The following TRIP12 variants were observed in gnomAD, a reference collection of about 807,000 sequenced individuals.
The protein encoded by TRIP12 is thyroid hormone receptor interactor 12.
Under a neutral mutation model 244.2 loss-of-function variants are expected in TRIP12, and 25 were observed. The ratio of observed to expected loss-of-function variants is 0.10; its 90% CI spans 0.07 to 0.14. TRIP12 has a LOEUF of 0.14. Ranked by LOEUF, TRIP12 falls within the 10% of genes least tolerant of loss-of-function variation. The pLI is 1.00. For synonymous variants in TRIP12, 905 were observed against 873.1 expected, an observed-to-expected ratio of 1.04 and a Z score of -0.64; for missense variants, 1,677 against 2,486.4, an observed-to-expected ratio of 0.67 and a Z score of 6.92.
chr2:229,789,404 A>T (rs957440978), intron 31 of TRIP12, among the ~76,000 whole-genome samples: 1 of 152,208 alleles, frequency 6.6e-6, no homozygotes, highest in Non-Finnish European at 1.5e-5. Context: ...TCCTAGAGAG[A>T]ATTTTACAAA....
At chr2:229,879,015 G>A (rs2154353021) in intron 2 of TRIP12, among the ~76,000 whole-genome samples, 1 of 152,222 alleles carries the variant, frequency 6.6e-6, no homozygotes, top group South Asian at 2.1e-4. Context: ...CACTTTGGGA[G>A]GCCGAGGCGG....
intron 4 of TRIP12, among the ~76,000 whole-genome samples, chr2:229,851,728 G>A (rs1006706534): frequency 1.1e-4 from 16 of 151,876 alleles, no homozygotes; most frequent in African/African-American, 3.1e-4. Flanking sequence ...AACTCCAGAC[G>A]TGCTGCCTTA....
In TRIP12 at chr2:229,802,398, C is replaced by T; in HGVS notation, c.3060G>A (p.Lys1020=). 1 of 1,614,006 alleles carries T rather than the reference C, an allele frequency of 6.2e-7. No individual in the cohort carries two copies. Among genetic ancestry groups the T allele is most frequent in the Non-Finnish European group, 8.5e-7 (1 of 1,179,956 alleles). Residue 1020 remains lysine (K), a synonymous_variant, in exon 21 of 42, where the codon AAG becomes AAA. Transcript: ENST00000675903. The part of the protein sequence containing the change: ...ESESLLTSPP[K]ACTNGSGSMG... ...TGGATCCCGATCCATTCGTACATGC[C>T]TTTGGTGGACTTGTCAACAAAGACT...
rs535971996 is a variant in TRIP12, at chr2:229,866,242, C to G, written c.99-5711G>C. Among the ~76,000 whole-genome samples, 5 of 152,236 alleles carry G rather than the reference C, an allele frequency of 3.3e-5. No individual in the cohort carries two copies. The South Asian group carries it at 1.0e-3, about 32-fold the overall frequency. On this transcript the variant is annotated intron_variant, in intron 2 of 41. Transcript: ENST00000675903. The stretch of plus-strand genomic sequence containing the variant: ...AATTTTCCAAGAATGCAACGACAAG[C>G]GATTATACTATTTTTTTGGCAGCTT...
chr2:229,778,696 G>C lies in TRIP12; in HGVS notation c.5210-109C>G, dbSNP rs2037099373. 12 of 1,472,588 alleles carry C rather than the reference G, an allele frequency of 8.1e-6. No homozygotes were observed. Among genetic ancestry groups the C allele is most frequent in the Non-Finnish European group, 1.0e-5 (11 of 1,088,404 alleles). 91.2% of individuals were successfully genotyped at this position (1,472,588 alleles called of 1,614,324 possible). A position where few individuals can be genotyped will look rare whatever the true frequency, so the allele number is the denominator to read the frequency against. On this transcript the variant is annotated intron_variant, in intron 35 of 41. Coordinates refer to ENST00000675903, the MANE Select transcript of TRIP12 (RefSeq NM_001348323.3). This position sits in a 1 kb window ranked among gnomAD's most constrained non-coding sequence, Gnocchi z 4.1. Reference sequence around the variant, plus strand: ...TAAGCATTCTCAAAATTGGAGTGCAGATCACTGAATGAAGTCCTCTAGAAC... The same window carrying C: ...TAAGCATTCTCAAAATTGGAGTGCACATCACTGAATGAAGTCCTCTAGAAC...
intron 9 of TRIP12, 74 bp from the exon 10 acceptor site, chr2:229,815,382 T>G (rs543086782): frequency 1.2e-6 from 1 of 869,278 alleles, no homozygotes; most frequent in East Asian, 2.7e-5. Flanking sequence ...TCCTCTTCTA[T>G]TTGAACTTCA....
intron 1 of TRIP12, among the ~76,000 whole-genome samples, chr2:229,890,423 A>T (rs1342369793): frequency 6.6e-6 from 1 of 152,216 alleles, no homozygotes; most frequent in Non-Finnish European, 1.5e-5. Context: ...TCTTTAACAT[A>T]GTTCAGATTA....
At chr2:229,850,915 C>A (rs915899717) in intron 4 of TRIP12, among the ~76,000 whole-genome samples, 1 of 152,258 alleles carries the variant, frequency 6.6e-6, no homozygotes, top group Non-Finnish European at 1.5e-5. Flanking sequence ...ACCACCGGCG[C>A]TGCACTCGAT....
chr2:229,807,913 A>G (rs760166287), intron 16 of TRIP12, 49 bp from the exon 17 acceptor site: 1 of 1,543,852 alleles, frequency 6.5e-7, no homozygotes, highest in East Asian at 2.4e-5. Flanking sequence ...AAATATTAGT[A>G]AACGTTAGGT....
intron 6 of TRIP12, among the ~76,000 whole-genome samples, chr2:229,834,198 T>A (rs1259774881): frequency 6.6e-6 from 1 of 152,244 alleles, no homozygotes; most frequent in African/African-American, 2.4e-5. Context: ...GTTGTCTAAA[T>A]CAGAATGCAA....
chr2:229,920,998 C>T (rs1348794278), intron 1 of TRIP12, among the ~76,000 whole-genome samples: 5 of 152,166 alleles, frequency 3.3e-5, no homozygotes, highest in Non-Finnish European at 7.4e-5. Flanking sequence ...AATGCTAATA[C>T]GATTGGGGTG....
At chr2:229,885,497 C>A (rs1484367960) in intron 1 of TRIP12, among the ~76,000 whole-genome samples, 1 of 152,136 alleles carries the variant, frequency 6.6e-6, no homozygotes, top group African/African-American at 2.4e-5. Flanking sequence ...CAAGCAAGAA[C>A]TGACATCTGG....
In TRIP12 at chr2:229,764,216, C is replaced by T. The variant is rs1318254080; in HGVS notation, c.*3338G>A. 6.6e-6 allele frequency: 1 copy of T among 151,606 alleles called. No homozygotes were observed. The highest frequency in any genetic ancestry group is 2.4e-5 in the African/African-American group (1 of 41,266). 9.4% of individuals were successfully genotyped at this position (151,606 alleles called of 1,614,324 possible). A position where few individuals can be genotyped will look rare whatever the true frequency, so the allele number is the denominator to read the frequency against. On this transcript the variant is annotated 3_prime_UTR_variant, in exon 42 of 42. Transcript: ENST00000675903. Reference sequence around the variant, plus strand: ...GTCTGGATTTTTTTTTTTGAGGTAACAAAGGAAGCATCTTCAGTGATTTGT... The same window carrying T: ...GTCTGGATTTTTTTTTTTGAGGTAATAAAGGAAGCATCTTCAGTGATTTGT...
chr2:229,829,648 G>A (rs539068398), intron 7 of TRIP12, among the ~76,000 whole-genome samples: 1 of 152,060 alleles, frequency 6.6e-6, no homozygotes. Context: ...GTTCCAAAAA[G>A]TGAAAACAAA....
chr2:229,799,505 G>C (rs549401138), intron 21 of TRIP12, 122 bp from the exon 22 acceptor site: 4 of 829,880 alleles, frequency 4.8e-6, no homozygotes, highest in Admixed American at 2.1e-5. Context: ...GGCCGGGCGC[G>C]GTGGCTCACG....
intron 37 of TRIP12, among the ~76,000 whole-genome samples, chr2:229,776,458 C>A (rs2154242543): frequency 6.6e-6 from 1 of 152,232 alleles, no homozygotes; most frequent in South Asian, 2.1e-4. Context: ...CTTACTTTTT[C>A]AAACAGCACC....
intron 4 of TRIP12, among the ~76,000 whole-genome samples, chr2:229,857,103 C>A (rs1286716914): frequency 1.3e-5 from 2 of 152,140 alleles, no homozygotes; most frequent in Non-Finnish European, 2.9e-5. Flanking sequence ...TTAAGTTAGG[C>A]TGATTCAATA....
At chr2:229,799,138 T>C (rs1354265653) in intron 22 of TRIP12, 89 bp from the exon 23 acceptor site, 1 of 1,542,478 alleles carries the variant, frequency 6.5e-7, no homozygotes, top group African/African-American at 1.4e-5. Context: ...TCTTAACAGA[T>C]TAATTAACTG....
chr2:229,824,199 T>C (rs2050859299), intron 8 of TRIP12, among the ~76,000 whole-genome samples: 1 of 152,170 alleles, frequency 6.6e-6, no homozygotes, highest in Non-Finnish European at 1.5e-5. Context: ...AATAAACCAA[T>C]GAATTTGCAT....
Sources: gnomAD v4.1 joint callset for allele counts (sites outside exome capture counted in the v4.1 genomes callset) on GRCh38, gnomAD v4.1.1 for gene constraint, Gnocchi (gnomAD v3.1) non-coding constraint, MANE v1.5 for transcripts, NCBI Gene and HGNC (gene_info 2026-07-23, HGNC 2026-07-21) for gene names.